Variants in CEP162 observed in about 807,000 individuals in gnomAD.
The protein encoded by CEP162 is centrosomal protein 162.
In CEP162, 141 loss-of-function variants were observed where a neutral mutation model predicts 169.2. That is an observed-to-expected ratio of 0.83 (90% confidence interval 0.73 to 0.96). CEP162 has a LOEUF of 0.96. Ranked by LOEUF, CEP162 falls within the 40% of genes least tolerant of loss-of-function variation. The probability of loss-of-function intolerance (pLI) is 0.00; values close to 1 mark genes in which losing one functional copy is unlikely to be tolerated. For synonymous variants in CEP162, 540 were observed against 526.4 expected, an observed-to-expected ratio of 1.03 and a Z score of -0.35; for missense variants, 1,600 against 1,587.2, an observed-to-expected ratio of 1.01 and a Z score of -0.14.
intron 7 of CEP162, 121 bp from the exon 8 acceptor site, chr6:84,201,888 G>A (rs2099544666): frequency 1.9e-6 from 1 of 533,702 alleles, no homozygotes; most frequent in Non-Finnish European, 3.3e-6. Context: ...AAACGATCAG[G>A]AACTGTGTTT....
At position 84,169,352 on chromosome 6, in the gene CEP162, C is replaced by T; in HGVS notation, c.2361G>A (p.Leu787=). ...CCTGTGCCATCCGTAGTTCTGCTAA[C>T]AGATCTGTAAAATTCTGATTTCTTG... ...EPTRNQNFTD[L]LAELRMAQKE... is the part of the protein sequence containing the mutation. Residue 787 remains leucine, a synonymous_variant, in exon 18 of 27, where the codon CTG becomes CTA. Coordinates refer to ENST00000403245, the MANE Select transcript of CEP162 (RefSeq NM_014895.4). 1 of 1,578,122 alleles carries T rather than the reference C, an allele frequency of 6.3e-7. No homozygotes were observed. The highest frequency in any genetic ancestry group is 1.2e-5 in the South Asian group (1 of 84,068).
intron 2 of CEP162, among the ~76,000 whole-genome samples, chr6:84,222,769 C>T (rs779119948): frequency 6.7e-6 from 1 of 149,572 alleles, no homozygotes; most frequent in Non-Finnish European, 1.5e-5. Context: ...CGCACACGCG[C>T]GTGCACACAC....
At chr6:84,196,313 T>A (rs1050592671) in intron 9 of CEP162, among the ~76,000 whole-genome samples, 8 of 152,208 alleles carry the variant, frequency 5.3e-5, no homozygotes, top group African/African-American at 1.7e-4. Context: ...AAATGTGGCT[T>A]GCTCCTCCTT....
rs148750237 is a variant in CEP162 at position 84,124,837 on chromosome 6, A to T, written c.*233T>A. ...AGTGAGCCCTTCTCTGCTATAAAGG[A>T]AACTGTCCATAAATCACTTAAAATG... On this transcript the variant is annotated 3_prime_UTR_variant, in exon 27 of 27. Transcript: ENST00000403245. 3 of 513,922 alleles carry T rather than the reference A, an allele frequency of 5.8e-6. No homozygotes were observed. Among genetic ancestry groups the T allele is most frequent in the African/African-American group, 4.0e-5 (2 of 49,848 alleles). The allele number at this position is 513,922 out of a possible 1,614,324, so 31.8% of individuals were successfully genotyped here.
chr6:84,149,543 A>C lies in CEP162; in HGVS notation c.3771+19T>G, dbSNP rs764879222. On this transcript the variant is annotated intron_variant, in intron 24 of 26. Coordinates refer to ENST00000403245, the MANE Select transcript of CEP162 (RefSeq NM_014895.4). ...ACGAGTTTATTCAAGTCAAAAGATAAAACAGATTTGTCATCTACCTCTTGA... is the reference window on the plus strand; with the variant it reads ...ACGAGTTTATTCAAGTCAAAAGATACAACAGATTTGTCATCTACCTCTTGA... 2.6e-6 allele frequency: 4 copies of C among 1,557,602 alleles called. No homozygotes were observed. The highest frequency in any genetic ancestry group is 3.5e-6 in the Non-Finnish European group (4 of 1,153,820).
intron 24 of CEP162, 99 bp from the exon 25 acceptor site, chr6:84,146,884 C>T (rs2099519113): frequency 5.8e-6 from 3 of 521,446 alleles, no homozygotes; most frequent in Non-Finnish European, 3.3e-6. Context: ...CTCTTATATA[C>T]TGTTGGTGGG....
intron 6 of CEP162, among the ~76,000 whole-genome samples, chr6:84,208,324 G>A (rs1473356471): frequency 6.6e-6 from 1 of 152,174 alleles, no homozygotes; most frequent in Non-Finnish European, 1.5e-5. Context: ...ATTTAGATCT[G>A]TAGCTATAAA....
intron 2 of CEP162, 64 bp downstream of exon 2, chr6:84,226,273 A>C: frequency 9.4e-7 from 1 of 1,067,156 alleles, no homozygotes; most frequent in Non-Finnish European, 1.4e-6. Context: ...TCGAGATGAC[A>C]GAATTGAAGG....
chr6:84,177,861 C>T (rs766242639), intron 13 of CEP162, among the ~76,000 whole-genome samples: 57 of 152,110 alleles, frequency 3.7e-4, no homozygotes, highest in Admixed American at 2.4e-3. Context: ...TAGTTCAACA[C>T]TCTTTTTAAA....
intron 25 of CEP162, among the ~76,000 whole-genome samples, chr6:84,136,139 C>T (rs540635466): frequency 6.6e-6 from 1 of 152,274 alleles, no homozygotes; most frequent in South Asian, 2.1e-4. Context: ...AAATTCTGAT[C>T]AGTTTTACTG....
At chr6:84,211,480 T>TG in intron 6 of CEP162, among the ~76,000 whole-genome samples, 1 of 135,614 alleles carries the variant, frequency 7.4e-6, no homozygotes, top group Middle Eastern at 4.4e-3. Flanking sequence ...TTAGCCGAGA[T>TG]GGTATCACTG....
At chr6:84,141,110 C>A (rs774459426) in intron 25 of CEP162, among the ~76,000 whole-genome samples, 5 of 152,112 alleles carry the variant, frequency 3.3e-5, no homozygotes, top group Non-Finnish European at 7.3e-5. Flanking sequence ...GCTCACTCGC[C>A]CCCTGCTCAT....
intron 25 of CEP162, among the ~76,000 whole-genome samples, chr6:84,134,917 T>TACACAC (rs1340426213): frequency 1.5e-4 from 11 of 73,572 alleles, no homozygotes; most frequent in African/African-American, 4.6e-4. Context: ...AAAGATCATA[T>TACACAC]ATACACACAC....
At chr6:84,168,190 C>T (rs1378248386) in intron 18 of CEP162, among the ~76,000 whole-genome samples, 2 of 152,048 alleles carry the variant, frequency 1.3e-5, no homozygotes, top group East Asian at 3.9e-4. Flanking sequence ...TTACTTTGTT[C>T]CCCCAAGCCT....
chr6:84,207,338 A>T (rs1281019812), intron 6 of CEP162, among the ~76,000 whole-genome samples: 1 of 152,142 alleles, frequency 6.6e-6, no homozygotes. Flanking sequence ...TCAATGATAG[A>T]CTGGATTAAG....
chr6:84,190,446 G>A (rs1014721036), intron 11 of CEP162, among the ~76,000 whole-genome samples: 14 of 152,102 alleles, frequency 9.2e-5, no homozygotes, highest in South Asian at 8.3e-4. Context: ...TTGTTCTTTC[G>A]CTCTTTGCAA....
chr6:84,150,671 C>T lies in CEP162; in HGVS notation c.3630-968G>A, dbSNP rs1005658808. Among the ~76,000 whole-genome samples, 6 of 152,170 alleles carry T rather than the reference C, an allele frequency of 3.9e-5. No individual in the cohort carries two copies. In the East Asian group the frequency reaches 1.2e-3, roughly 29 times the overall value. On this transcript the variant is annotated intron_variant, in intron 23 of 26. Transcript: ENST00000403245. ...ATATTAACAAATTTTAAATGATGTA[C>T]AGGAAAATTAATTGGAAAACCTGAA...
chr6:84,127,821 G>C (rs2099509560), intron 25 of CEP162, among the ~76,000 whole-genome samples: 1 of 152,120 alleles, frequency 6.6e-6, no homozygotes, highest in African/African-American at 2.4e-5. Context: ...CTATGATAAA[G>C]GGATGGCCAA....
At chr6:84,206,783 C>A (rs541201932) in intron 6 of CEP162, among the ~76,000 whole-genome samples, 14 of 152,140 alleles carry the variant, frequency 9.2e-5, no homozygotes, top group South Asian at 4.1e-4. Flanking sequence ...GTGAACAGGC[C>A]ACCTACAGAA....
Sources: allele counts gnomAD v4.1 joint callset (sites outside exome capture counted in the v4.1 genomes callset), GRCh38; gene constraint gnomAD v4.1.1; transcripts MANE v1.5; gene names NCBI Gene and HGNC (gene_info 2026-07-23, HGNC 2026-07-21).